Variants in SCAMP1 observed in about 807,000 individuals in gnomAD.
The protein encoded by SCAMP1 is secretory carrier membrane protein 1, also known as secretory carrier-associated membrane protein 1.
SCAMP1 carries 15 observed loss-of-function variants against 41.8 expected under a neutral mutation model. The observed-to-expected ratio is 0.36, with a 90% CI of 0.24 to 0.55. The LOEUF (loss-of-function observed/expected upper bound fraction) is 0.55. Among genes scored for constraint, SCAMP1 ranks in the 20% least tolerant of loss-of-function variants. The pLI is 0.86. For missense variants in SCAMP1, 341 were observed against 412.6 expected (o/e 0.83, Z 1.50); for synonymous variants, 135 against 136.8 (o/e 0.99, Z 0.09).
At chr5:78,424,712 C>G (rs1414217328) in intron 6 of SCAMP1, among the ~76,000 whole-genome samples, 2 of 151,956 alleles carry the variant, frequency 1.3e-5, no homozygotes. Context: ...AGAGTGAGAT[C>G]CTGCCTCAAA....
At chr5:78,388,976 A>G (rs1751418311) in intron 2 of SCAMP1, 62 bp downstream of exon 2, 3 of 855,998 alleles carry the variant, frequency 3.5e-6, no homozygotes, top group African/African-American at 1.7e-5. Flanking sequence ...TATTTTAACT[A>G]TGATTTCTTT....
chr5:78,444,232 A>G (rs1336519357), intron 6 of SCAMP1, among the ~76,000 whole-genome samples: 1 of 152,182 alleles, frequency 6.6e-6, no homozygotes, highest in Admixed American at 6.6e-5. Flanking sequence ...GTGTTAGTCC[A>G]TTTTCATATT....
intron 6 of SCAMP1, among the ~76,000 whole-genome samples, chr5:78,444,961 T>C (rs1753018216): frequency 6.6e-6 from 1 of 152,236 alleles, no homozygotes; most frequent in African/African-American, 2.4e-5. Context: ...TGGGAGAGTC[T>C]GGATTCAAAC....
At chr5:78,410,206 T>C (rs1482324330) in intron 2 of SCAMP1, among the ~76,000 whole-genome samples, 1 of 151,930 alleles carries the variant, frequency 6.6e-6, no homozygotes, top group Non-Finnish European at 1.5e-5. Context: ...GCCATGGTGG[T>C]TTGTTGCACA....
At chr5:78,407,002 C>T (rs934103762) in intron 2 of SCAMP1, among the ~76,000 whole-genome samples, 1 of 152,150 alleles carries the variant, frequency 6.6e-6, no homozygotes, top group Admixed American at 6.5e-5. Flanking sequence ...AGACACAGTT[C>T]TAGGTTTGTC....
At chr5:78,457,160 C>T (rs1300581762) in intron 7 of SCAMP1, among the ~76,000 whole-genome samples, 2 of 151,330 alleles carry the variant, frequency 1.3e-5, no homozygotes, top group South Asian at 2.1e-4. Flanking sequence ...GTAATTTGAT[C>T]GTCTGAAGCC....
chr5:78,392,181 T>G (rs935360663), intron 2 of SCAMP1, among the ~76,000 whole-genome samples: 1 of 149,248 alleles, frequency 6.7e-6, no homozygotes, highest in East Asian at 1.9e-4. Flanking sequence ...AGCTTTAGAT[T>G]ACTCTTATCA....
intron 1 of SCAMP1, among the ~76,000 whole-genome samples, chr5:78,382,402 A>G (rs1751226331): frequency 6.6e-6 from 1 of 152,198 alleles, no homozygotes; most frequent in Non-Finnish European, 1.5e-5. Context: ...TACATATACT[A>G]CAATTTTGTG....
chr5:78,459,166 G>A (rs1014751558), intron 7 of SCAMP1, 79 bp from the exon 8 acceptor site: 2 of 720,668 alleles, frequency 2.8e-6, no homozygotes, highest in Non-Finnish European at 5.0e-6. Context: ...GATAAGTGTT[G>A]AATATGTGTT....
At chr5:78,455,442 T>C (rs58489500) in intron 7 of SCAMP1, among the ~76,000 whole-genome samples, 13,490 of 94,630 alleles carry the variant, frequency 0.14, 1,432 homozygotes, top group East Asian at 0.58. Context: ...TCGTTATGTA[T>C]CCAGTAGTCA....
At chr5:78,376,492 C>A (rs747963930) in intron 1 of SCAMP1, among the ~76,000 whole-genome samples, 2 of 152,124 alleles carry the variant, frequency 1.3e-5, no homozygotes, top group African/African-American at 2.4e-5. Flanking sequence ...TTTATTATTG[C>A]CGGTCTAAAG....
intron 8 of SCAMP1, among the ~76,000 whole-genome samples, chr5:78,466,355 T>A (rs1228278110): frequency 6.6e-6 from 1 of 152,172 alleles, no homozygotes; most frequent in Non-Finnish European, 1.5e-5. Flanking sequence ...GGGACACCTA[T>A]CAGGTTTTGG....
At chr5:78,363,362 G>A (rs1168755387) in intron 1 of SCAMP1, among the ~76,000 whole-genome samples, 2 of 151,342 alleles carry the variant, frequency 1.3e-5, no homozygotes, top group Non-Finnish European at 2.9e-5. Context: ...ACAGGCGCCC[G>A]CCACCACCGG....
At chr5:78,360,983 G>A (rs1289925694) in intron 1 of SCAMP1, 1 of 472,452 alleles carries the variant, frequency 2.1e-6, no homozygotes, top group Non-Finnish European at 3.8e-6. Context: ...TGAGGGTCGT[G>A]TCTGCAGCCG....
intron 2 of SCAMP1, among the ~76,000 whole-genome samples, chr5:78,395,761 T>G (rs1375885299): frequency 6.6e-6 from 1 of 152,216 alleles, no homozygotes; most frequent in Non-Finnish European, 1.5e-5. Flanking sequence ...TCTTGCCCCC[T>G]GGGCCTCTCC....
At chr5:78,380,111 C>T (rs1751163374) in intron 1 of SCAMP1, among the ~76,000 whole-genome samples, 1 of 152,198 alleles carries the variant, frequency 6.6e-6, no homozygotes, top group South Asian at 2.1e-4. Flanking sequence ...CAGCCCATAG[C>T]ACTTTTATAT....
chr5:78,389,298 A>AT (rs1751428527), intron 2 of SCAMP1, among the ~76,000 whole-genome samples: 1 of 152,106 alleles, frequency 6.6e-6, no homozygotes, highest in Non-Finnish European at 1.5e-5. Context: ...TGTACCATGA[A>AT]TGTTTGTATG....
At chr5:78,411,478 CT>C (rs1472427731) in intron 2 of SCAMP1, among the ~76,000 whole-genome samples, 1 of 152,176 alleles carries the variant, frequency 6.6e-6, no homozygotes, top group East Asian at 1.9e-4. Flanking sequence ...GAAATAATCC[CT>C]ATTAACATTT....
chr5:78,461,657 G>A (rs557597836), intron 8 of SCAMP1, among the ~76,000 whole-genome samples: 1 of 152,224 alleles, frequency 6.6e-6, no homozygotes, highest in African/African-American at 2.4e-5. Context: ...AGCCTCCCCA[G>A]GTTCAAGTGA....
Sources: gnomAD v4.1 joint callset for allele counts (sites outside exome capture counted in the v4.1 genomes callset) on GRCh38, gnomAD v4.1.1 for gene constraint, MANE v1.5 for transcripts, NCBI Gene and HGNC (gene_info 2026-07-23, HGNC 2026-07-21) for gene names.